The following DAB1 variants were observed in gnomAD, a reference collection of about 807,000 sequenced individuals.
The protein encoded by DAB1 is disabled homolog 1.
A neutral mutation model predicts 64.6 loss-of-function variants in DAB1; 15 were observed. That is an observed-to-expected ratio of 0.23 (90% confidence interval 0.16 to 0.36). The LOEUF (loss-of-function observed/expected upper bound fraction) is 0.36, where lower values mean the gene tolerates loss of function less well. DAB1 is among the 10% of genes least tolerant of loss of function. DAB1 has a pLI of 1.00. For synonymous variants in DAB1, 235 were observed against 251.9 expected, an observed-to-expected ratio of 0.93 and a Z score of 0.64; for missense variants, 596 against 706.7, an observed-to-expected ratio of 0.84 and a Z score of 1.78.
intron 3 of DAB1, among the ~76,000 whole-genome samples, chr1:58,404,265 T>C (rs1444089730): frequency 6.6e-6 from 1 of 152,208 alleles, no homozygotes; most frequent in East Asian, 1.9e-4. Flanking sequence ...AGGTACACTC[T>C]TAGATGTACT....
intron 1 of DAB1, among the ~76,000 whole-genome samples, chr1:57,320,781 T>C (rs1225212268): frequency 6.6e-6 from 1 of 152,178 alleles, no homozygotes; most frequent in African/African-American, 2.4e-5. Flanking sequence ...TATAATCTCA[T>C]TTAATCACAA....
At chr1:57,138,800 T>C (rs1658345570) in intron 3 of DAB1, among the ~76,000 whole-genome samples, 1 of 152,190 alleles carries the variant, frequency 6.6e-6, no homozygotes, top group Non-Finnish European at 1.5e-5. Context: ...CTCCTTTGTT[T>C]TTCCTGCTTC....
intron 1 of DAB1, among the ~76,000 whole-genome samples, chr1:57,850,836 A>T (rs1287891043): frequency 6.6e-6 from 1 of 152,082 alleles, no homozygotes; most frequent in African/African-American, 2.4e-5. Context: ...AAATTTAAGC[A>T]TTCCTCTTTC....
intron 4 of DAB1, among the ~76,000 whole-genome samples, chr1:58,342,539 G>A (rs1643951493): frequency 6.6e-6 from 1 of 152,052 alleles, no homozygotes; most frequent in Non-Finnish European, 1.5e-5. Context: ...CCTTTCTTCT[G>A]AACTCCAAGC....
intron 7 of DAB1, among the ~76,000 whole-genome samples, chr1:57,470,952 G>A (rs1687113906): frequency 6.6e-6 from 1 of 152,142 alleles, no homozygotes; most frequent in African/African-American, 2.4e-5. Flanking sequence ...TGAGGAGCAA[G>A]ACAATAATTA....
chr1:57,428,513 T>A (rs892718485), upstream of DAB1, among the ~76,000 whole-genome samples: 3 of 152,202 alleles, frequency 2.0e-5, no homozygotes, highest in African/African-American at 7.2e-5. Flanking sequence ...TAAGACTGAA[T>A]AATATTCCAT....
At chr1:57,593,477 C>G (rs1421660406) in intron 7 of DAB1, among the ~76,000 whole-genome samples, 3 of 152,174 alleles carry the variant, frequency 2.0e-5, no homozygotes, top group Non-Finnish European at 4.4e-5. Context: ...GTGCACAAAT[C>G]AAACTAGTTT....
chr1:57,192,186 G>C (rs1208427191), intron 2 of DAB1, among the ~76,000 whole-genome samples: 1 of 152,032 alleles, frequency 6.6e-6, no homozygotes, highest in Non-Finnish European at 1.5e-5. Flanking sequence ...GCATTCTGGT[G>C]GGCACCTGTA....
intron 6 of DAB1, among the ~76,000 whole-genome samples, chr1:57,799,271 C>T (rs1411261397): frequency 1.3e-5 from 2 of 152,322 alleles, no homozygotes; most frequent in East Asian, 3.9e-4. Flanking sequence ...AGCCCCACAG[C>T]TGTGAATGGG....
intron 4 of DAB1, among the ~76,000 whole-genome samples, chr1:58,337,903 C>T (rs762375321): frequency 3.9e-5 from 6 of 151,982 alleles, no homozygotes; most frequent in Non-Finnish European, 8.8e-5. Context: ...GTACAGATCT[C>T]TTACACAACA....
intron 7 of DAB1, among the ~76,000 whole-genome samples, chr1:57,548,827 A>G (rs1376209018): frequency 6.6e-6 from 1 of 152,126 alleles, no homozygotes; most frequent in Non-Finnish European, 1.5e-5. Context: ...AGCCACAGTA[A>G]CTAACATTAA....
intron 2 of DAB1, among the ~76,000 whole-genome samples, chr1:57,244,520 TA>T (rs1360707932): frequency 6.6e-6 from 1 of 152,234 alleles, no homozygotes; most frequent in Non-Finnish European, 1.5e-5. Context: ...CAAGGACTGA[TA>T]ATCTCCAGCT....
chr1:57,963,231 A>G (rs912810648), intron 5 of DAB1, among the ~76,000 whole-genome samples: 1 of 152,234 alleles, frequency 6.6e-6, no homozygotes, highest in African/African-American at 2.4e-5. Flanking sequence ...ATTATCATAC[A>G]CATAACTCAC....
downstream of DAB1, among the ~76,000 whole-genome samples, chr1:57,823,262 C>A (rs1311288539): frequency 2.6e-5 from 4 of 151,536 alleles, no homozygotes; most frequent in African/African-American, 4.8e-5. Flanking sequence ...GGATTACAGG[C>A]GTGAGCCACT....
chr1:58,247,531 A>T (rs1660601130), intron 4 of DAB1, among the ~76,000 whole-genome samples: 1 of 152,198 alleles, frequency 6.6e-6, no homozygotes, highest in Non-Finnish European at 1.5e-5. Context: ...ATGGAGAAAC[A>T]GAGTTCGTGA....
intron 7 of DAB1, among the ~76,000 whole-genome samples, chr1:57,448,962 C>T (rs1330955176): frequency 6.6e-6 from 1 of 152,192 alleles, no homozygotes; most frequent in Non-Finnish European, 1.5e-5. Flanking sequence ...CCCATGGTCA[C>T]ACTTTCTTCT....
intron 2 of DAB1, among the ~76,000 whole-genome samples, chr1:57,188,869 A>T (rs1006628538): frequency 6.6e-6 from 1 of 152,186 alleles, no homozygotes; most frequent in Non-Finnish European, 1.5e-5. Flanking sequence ...ACGTTACTAA[A>T]ATAGATCATC....
At chr1:57,865,652 C>T (rs1194836836) in intron 1 of DAB1, among the ~76,000 whole-genome samples, 2 of 152,166 alleles carry the variant, frequency 1.3e-5, no homozygotes, top group Non-Finnish European at 2.9e-5. Flanking sequence ...TCATCATCAC[C>T]TCACTATCCC....
rs369935239 is a variant in DAB1, at chr1:58,053,516, A to G, written n.387+96995T>C. Among the ~76,000 whole-genome samples, 70 of 152,306 alleles carry G rather than the reference A, an allele frequency of 4.6e-4. No homozygotes were observed. The East Asian group carries it at 7.1e-3, about 16-fold the overall frequency. On this transcript the variant is annotated intron_variant and non_coding_transcript_variant, in intron 5 of 20. Transcript: ENST00000485760. The stretch of plus-strand genomic sequence containing the variant: ...CACCCCTGAGGAAGGGCATTACTCT[A>G]TTTATGAGGAATCTGCCCCCATCAC...
Sources: gnomAD v4.1 joint callset for allele counts (sites outside exome capture counted in the v4.1 genomes callset) on GRCh38, gnomAD v4.1.1 for gene constraint, MANE v1.5 for transcripts, NCBI Gene and HGNC (gene_info 2026-07-23, HGNC 2026-07-21) for gene names.